NYAP2: variants seen among roughly 807,000 people sequenced by gnomAD.
The protein encoded by NYAP2 is neuronal tyrosine-phosphorylated phosphoinositide-3-kinase adaptor 2.
NYAP2 carries 23 observed loss-of-function variants against 50.4 expected under a neutral mutation model. The ratio of observed to expected loss-of-function variants is 0.46; its 90% confidence interval spans 0.33 to 0.65. The LOEUF (loss-of-function observed/expected upper bound fraction) is 0.65. NYAP2 is among the 30% of genes least tolerant of loss of function. NYAP2 has a pLI of 0.02. For synonymous variants in NYAP2, 394 were observed against 365.2 expected (o/e 1.08, Z -0.90); for missense variants, 885 against 861.0 (o/e 1.03, Z -0.35).
At chr2:225,643,798 A>G (rs1417302030) in intron 6 of NYAP2, among the ~76,000 whole-genome samples, 1 of 151,756 alleles carries the variant, frequency 6.6e-6, no homozygotes, top group African/African-American at 2.4e-5. Context: ...GCTGCATAGT[A>G]TTCCATGGTG....
At chr2:225,597,038 A>G (rs1692611877) in intron 5 of NYAP2, among the ~76,000 whole-genome samples, 1 of 152,174 alleles carries the variant, frequency 6.6e-6, no homozygotes, top group Non-Finnish European at 1.5e-5. Flanking sequence ...AGTGGAAGAT[A>G]GAGTGGAAGG....
intron 2 of NYAP2, among the ~76,000 whole-genome samples, chr2:225,405,455 A>G (rs1694924004): frequency 6.6e-6 from 1 of 152,026 alleles, no homozygotes; most frequent in African/African-American, 2.4e-5. Flanking sequence ...CTTAATATCT[A>G]AGAGTCAAAA....
rs183375715 is a variant in NYAP2 at position 225,559,980 on chromosome 2, A to T, written c.524-21961A>T. On this transcript the variant is annotated intron_variant, in intron 4 of 6. Coordinates refer to ENST00000636099, the Ensembl canonical transcript of NYAP2. Reference sequence around the variant, plus strand: ...AAACTGAAGGGGCATATTTTACTTTATCTCCTCCTCAATTTCATATTATAG... The same window carrying T: ...AAACTGAAGGGGCATATTTTACTTTTTCTCCTCCTCAATTTCATATTATAG... 8.0e-3 allele frequency among the ~76,000 whole-genome samples: 1,213 copies of T among 152,184 alleles called. 10 individuals carry two copies. Among genetic ancestry groups the T allele is most frequent in the Non-Finnish European group, 0.012 (806 of 67,968 alleles).
intron 3 of NYAP2, among the ~76,000 whole-genome samples, chr2:225,434,482 T>A (rs1689338401): frequency 6.6e-6 from 1 of 152,214 alleles, no homozygotes; most frequent in Non-Finnish European, 1.5e-5. Context: ...TGAATTTTCA[T>A]GAAGAGAGAA....
intron 5 of NYAP2, among the ~76,000 whole-genome samples, chr2:225,620,452 C>G (rs916408156): frequency 6.9e-6 from 1 of 145,496 alleles, no homozygotes; most frequent in Non-Finnish European, 1.5e-5. Context: ...CGCACACGCA[C>G]GCACACACGC....
chr2:225,400,144 A>G (rs950665776), exon 1 of NYAP2: 3 of 152,014 alleles, frequency 2.0e-5, no homozygotes, highest in Admixed American at 2.0e-4. Flanking sequence ...TCCCTTTTCC[A>G]ATGGGCCTAG....
intron 4 of NYAP2, among the ~76,000 whole-genome samples, chr2:225,553,704 G>A (rs186073956): frequency 3.3e-3 from 500 of 152,190 alleles, no homozygotes; most frequent in African/African-American, 0.011. Context: ...TCCATTTCTG[G>A]CTTAGGATGA....
chr2:225,433,294 A>C lies in NYAP2; in HGVS notation c.221+24193A>C, dbSNP rs560695930. 6.7e-4 allele frequency among the ~76,000 whole-genome samples: 101 copies of C among 151,758 alleles called. 2 individuals carry two copies. The South Asian group carries it at 0.021, about 31-fold the overall frequency. On this transcript the variant is annotated intron_variant, in intron 3 of 6. Transcript: ENST00000636099. The stretch of plus-strand genomic sequence containing the variant: ...TTGAGCCCAGGAGTTCAAAGCTGCA[A>C]TATGCCAAGATCGTGCCTGTTACTG...
At chr2:225,594,233 A>G (rs1487785976) in intron 5 of NYAP2, among the ~76,000 whole-genome samples, 3 of 152,202 alleles carry the variant, frequency 2.0e-5, no homozygotes, top group Non-Finnish European at 4.4e-5. Flanking sequence ...CAATAAAAAC[A>G]CATTCAATGG....
At chr2:225,398,563 T>C (rs1223530912), upstream of NYAP2, among the ~76,000 whole-genome samples, 1 of 151,828 alleles carries the variant, frequency 6.6e-6, no homozygotes, top group Non-Finnish European at 1.5e-5. Flanking sequence ...TGTTACTAGT[T>C]TATAAGTGGT....
chr2:225,433,334 C>T (rs1381340691), intron 3 of NYAP2, among the ~76,000 whole-genome samples: 4 of 145,136 alleles, frequency 2.8e-5, no homozygotes, highest in African/African-American at 1.0e-4. Flanking sequence ...CCAGCCTGTG[C>T]AAAGTAGTGA....
At chr2:225,648,393 AC>A (rs1181790509) in intron 6 of NYAP2, among the ~76,000 whole-genome samples, 1 of 64,186 alleles carries the variant, frequency 1.6e-5, no homozygotes, top group African/African-American at 4.6e-5. Flanking sequence ...TGGAAAATAG[AC>A]GTTTTTCATG....
At chr2:225,418,138 C>T (rs1695154181) in intron 3 of NYAP2, among the ~76,000 whole-genome samples, 1 of 151,940 alleles carries the variant, frequency 6.6e-6, no homozygotes, top group Admixed American at 6.6e-5. Context: ...AGGAGAGAAG[C>T]CATGCAGATC....
intron 4 of NYAP2, among the ~76,000 whole-genome samples, chr2:225,559,806 T>C (rs1574678081): frequency 6.6e-6 from 1 of 152,230 alleles, no homozygotes; most frequent in African/African-American, 2.4e-5. Flanking sequence ...AAAATTTTAA[T>C]GCTACAGATA....
chr2:225,687,962 T>C, the NYAP2 span, among the ~76,000 whole-genome samples: 1 of 152,192 alleles, frequency 6.6e-6, no homozygotes, highest in Admixed American at 6.5e-5. Context: ...CTAATAAAAC[T>C]ATAACTGCTT....
In NYAP2 at chr2:225,616,131, C is replaced by T. The variant is rs75838565; in HGVS notation, c.1619-10786C>T. On this transcript the variant is annotated intron_variant, in intron 5 of 6. Transcript: ENST00000636099. The stretch of plus-strand genomic sequence containing the variant: ...ATCTGTGTGTAAAACATCATTTTAT[C>T]TTGTTTGCTTTCATAAACACAAACC... Among the ~76,000 whole-genome samples, 840 of 152,244 alleles carry T rather than the reference C, an allele frequency of 5.5e-3. 9 individuals carry two copies. Among genetic ancestry groups the T allele is most frequent in the African/African-American group, 0.018 (764 of 41,536 alleles).
intron 4 of NYAP2, among the ~76,000 whole-genome samples, chr2:225,520,544 G>T (rs538352053): frequency 1.9e-3 from 285 of 152,230 alleles, no homozygotes; most frequent in African/African-American, 3.4e-3. Context: ...TTTCCCCATT[G>T]CTTGTTTTTC....
At chr2:225,492,557 T>C (rs1302991108) in intron 3 of NYAP2, among the ~76,000 whole-genome samples, 1 of 152,242 alleles carries the variant, frequency 6.6e-6, no homozygotes, top group Non-Finnish European at 1.5e-5. Flanking sequence ...TGTTACTCTG[T>C]TCTTTCATTG....
chr2:225,666,512 C>T, the NYAP2 span, among the ~76,000 whole-genome samples: 26 of 152,184 alleles, frequency 1.7e-4, no homozygotes, highest in South Asian at 4.2e-3. Flanking sequence ...GGTTCAGAAA[C>T]GCGAGACAAC....
Sources: allele counts gnomAD v4.1 joint callset (sites outside exome capture counted in the v4.1 genomes callset), GRCh38; gene constraint gnomAD v4.1.1; transcripts MANE v1.5; gene names NCBI Gene and HGNC (gene_info 2026-07-23, HGNC 2026-07-21).